The following REC114 variants were observed in gnomAD, a reference collection of about 807,000 sequenced individuals.
The protein encoded by REC114 is REC114 meiotic recombination protein.
Under a neutral mutation model 31.3 loss-of-function variants are expected in REC114, and 27 were observed. The observed-to-expected ratio is 0.86, with a 90% CI of 0.64 to 1.19. The LOEUF (loss-of-function observed/expected upper bound fraction) is 1.19. Among genes scored for constraint, REC114 ranks in the 50% most tolerant of loss-of-function variants. REC114 has a pLI of 0.00. For synonymous variants in REC114, 134 were observed against 127.7 expected (o/e 1.05, Z -0.33); for missense variants, 344 against 326.9 (o/e 1.05, Z -0.40).
At chr15:73,541,340 C>G (rs1011644165) in intron 3 of REC114, among the ~76,000 whole-genome samples, 4 of 152,166 alleles carry the variant, frequency 2.6e-5, no homozygotes, top group Non-Finnish European at 5.9e-5. Flanking sequence ...ATCACAGATA[C>G]TTTCATATCA....
At chr15:73,496,277 G>A (rs192860192) in intron 2 of REC114, among the ~76,000 whole-genome samples, 416 of 150,274 alleles carry the variant, frequency 2.8e-3, no homozygotes, top group Non-Finnish European at 2.1e-3. Context: ...GCTTGAACCC[G>A]GGAGGCAGAG....
intron 1 of REC114, among the ~76,000 whole-genome samples, chr15:73,461,957 A>T (rs1260424451): frequency 1.7e-5 from 2 of 115,010 alleles, no homozygotes; most frequent in Non-Finnish European, 3.3e-5. Context: ...TTAAAGACAG[A>T]GTCTTACTCT....
At chr15:73,453,346 CA>C (rs1892877075) in intron 1 of REC114, among the ~76,000 whole-genome samples, 1 of 152,094 alleles carries the variant, frequency 6.6e-6, no homozygotes, top group Non-Finnish European at 1.5e-5. Flanking sequence ...GACATTTATG[CA>C]GCCAACAAAT....
At chr15:73,541,055 T>C (rs939432325) in intron 3 of REC114, among the ~76,000 whole-genome samples, 1 of 152,202 alleles carries the variant, frequency 6.6e-6, no homozygotes, top group African/African-American at 2.4e-5. Context: ...AAAATAACTA[T>C]GAAAACCAAT....
chr15:73,476,953 C>G (rs1044910927), intron 2 of REC114, among the ~76,000 whole-genome samples: 2 of 152,210 alleles, frequency 1.3e-5, no homozygotes, highest in Non-Finnish European at 2.9e-5. Flanking sequence ...AACTGCAAAA[C>G]TGTTTTCCAA....
In REC114 at chr15:73,514,129, T is replaced by C. The variant is rs1266667066; in HGVS notation, c.250-26356T>C. Among the ~76,000 whole-genome samples the C allele has an allele frequency of 4.0e-5, 6 of 151,728 alleles. No homozygotes were observed. The East Asian group carries it at 9.7e-4, about 25-fold the overall frequency. On this transcript the variant is annotated intron_variant, in intron 2 of 5. Coordinates refer to ENST00000331090, the MANE Select transcript of REC114 (RefSeq NM_001042367.2). ...GGGGTAGGACCCTCCGAGCCAGGTGTGGGATATAGTCTCGTGGTGCGCCGT... is the reference window on the plus strand; with the variant it reads ...GGGGTAGGACCCTCCGAGCCAGGTGCGGGATATAGTCTCGTGGTGCGCCGT...
At chr15:73,559,731 A>C (rs1894548623) in intron 5 of REC114, 21 bp from the exon 6 acceptor site, 1 of 1,522,784 alleles carries the variant, frequency 6.6e-7, no homozygotes, top group Non-Finnish European at 8.8e-7. Context: ...ATCTGTAACG[A>C]CTTTTCTGGT....
intron 3 of REC114, 72 bp from the exon 4 acceptor site, chr15:73,550,862 ACACT>A: frequency 1.4e-6 from 2 of 1,381,332 alleles, no homozygotes; most frequent in South Asian, 1.2e-5. Flanking sequence ...AGCAAAGGAA[ACACT>A]CAGTGGAAGA....
At chr15:73,509,887 CT>C (rs1223202579) in intron 2 of REC114, among the ~76,000 whole-genome samples, 22 of 151,726 alleles carry the variant, frequency 1.4e-4, no homozygotes, top group African/African-American at 5.1e-4. Context: ...ATGCCTCCAG[CT>C]TTGTTCTTTT....
At position 73,559,949 on chromosome 15, in the gene REC114, A is replaced by G. The variant is rs117740286; in HGVS notation, c.*33A>G. The G allele has an allele frequency of 0.014, 21,651 of 1,514,198 alleles. 492 individuals are homozygous for G. Among genetic ancestry groups the G allele is most frequent in the Admixed American group, 0.12 (4,799 of 40,610 alleles). 93.8% of individuals were successfully genotyped at this position (1,514,198 alleles called of 1,614,324 possible). ...TATACATATATAACTAAGGAACTTCAAAGTATTGAAAAATGCTTCCTCCTA... is the reference window on the plus strand; with the variant it reads ...TATACATATATAACTAAGGAACTTCGAAGTATTGAAAAATGCTTCCTCCTA... On this transcript the variant is annotated 3_prime_UTR_variant, in exon 6 of 6. Transcript: ENST00000331090.
intron 2 of REC114, among the ~76,000 whole-genome samples, chr15:73,516,828 T>C (rs1486029666): frequency 6.6e-6 from 1 of 152,166 alleles, no homozygotes; most frequent in Non-Finnish European, 1.5e-5. Context: ...GGTTTTACCA[T>C]GTTGGCCAGG....
intron 3 of REC114, among the ~76,000 whole-genome samples, chr15:73,548,093 G>T (rs1056742705): frequency 6.6e-6 from 1 of 152,148 alleles, no homozygotes; most frequent in Non-Finnish European, 1.5e-5. Flanking sequence ...AAGAAAGTGG[G>T]AAAAGGACAT....
intron 1 of REC114, among the ~76,000 whole-genome samples, chr15:73,453,322 T>A (rs1242107425): frequency 3.3e-5 from 5 of 151,050 alleles, no homozygotes; most frequent in Non-Finnish European, 7.4e-5. Flanking sequence ...GGGCGAAGGA[T>A]ATGTACAAAA....
intron 1 of REC114, among the ~76,000 whole-genome samples, chr15:73,451,502 T>TA (rs1314227361): frequency 6.6e-6 from 1 of 151,872 alleles, no homozygotes; most frequent in East Asian, 1.9e-4. Context: ...GCCTACCAAC[T>TA]AAAAAAAGTC....
At chr15:73,551,342 C>A (rs1894390170) in intron 4 of REC114, among the ~76,000 whole-genome samples, 192 bp downstream of exon 4, 1 of 152,104 alleles carries the variant, frequency 6.6e-6, no homozygotes, top group Admixed American at 6.6e-5. Flanking sequence ...GGGAGGAGTT[C>A]CAGCTGCATT....
At chr15:73,501,238 G>T (rs934485257) in intron 2 of REC114, among the ~76,000 whole-genome samples, 1 of 152,168 alleles carries the variant, frequency 6.6e-6, no homozygotes, top group African/African-American at 2.4e-5. Context: ...TTGGATAAAT[G>T]TTAACTAAAG....
At chr15:73,537,901 A>G (rs187369981) in intron 2 of REC114, among the ~76,000 whole-genome samples, 3 of 152,304 alleles carry the variant, frequency 2.0e-5, no homozygotes, top group Non-Finnish European at 4.4e-5. Context: ...TTCTTTATGT[A>G]AAGAATATAC....
At chr15:73,542,780 TTAGA>T (rs1380787556) in intron 3 of REC114, among the ~76,000 whole-genome samples, 1 of 152,186 alleles carries the variant, frequency 6.6e-6, no homozygotes, top group East Asian at 1.9e-4. Context: ...TACCAAGTCA[TTAGA>T]TAGTCTCTGA....
chr15:73,533,662 G>C (rs62015531), intron 2 of REC114, among the ~76,000 whole-genome samples: 583 of 106,480 alleles, frequency 5.5e-3, no homozygotes, highest in East Asian at 0.012. Context: ...CCCAGGAATT[G>C]AACTCAGCTC....
Sources: allele counts gnomAD v4.1 joint callset (sites outside exome capture counted in the v4.1 genomes callset), GRCh38; gene constraint gnomAD v4.1.1; transcripts MANE v1.5; gene names NCBI Gene and HGNC (gene_info 2026-07-23, HGNC 2026-07-21).